Variants in ADCY7 observed in about 807,000 individuals in gnomAD.
The protein encoded by ADCY7 is adenylate cyclase 7.
ADCY7 carries 72 observed loss-of-function variants against 120.6 expected under a neutral mutation model. The observed-to-expected ratio is 0.60, with a 90% CI of 0.49 to 0.73. ADCY7 has a LOEUF of 0.73. Among genes scored for constraint, ADCY7 ranks in the 30% least tolerant of loss-of-function variants. ADCY7 has a pLI of 0.00. For synonymous variants in ADCY7, 661 were observed against 628.0 expected, an observed-to-expected ratio of 1.05 and a Z score of -0.78; for missense variants, 1,227 against 1,486.0, an observed-to-expected ratio of 0.83 and a Z score of 2.87.
At chr16:50,306,338 C>T (rs2036065917) in intron 14 of ADCY7, among the ~76,000 whole-genome samples, 1 of 152,174 alleles carries the variant, frequency 6.6e-6, no homozygotes, top group Non-Finnish European at 1.5e-5. Flanking sequence ...CCCAGGGGTG[C>T]TGCTATACCA....
rs2036475968 is a variant in ADCY7, at chr16:50,311,720, C to T, written c.2382C>T (p.Asp794=). The T allele has an allele frequency of 1.2e-6, 2 of 1,612,844 alleles. No homozygotes were observed. The highest frequency in any genetic ancestry group is 1.3e-5 in the African/African-American group (1 of 74,672). Residue 794 remains aspartate (D), a synonymous_variant, in exon 20 of 26, where the codon GAC becomes GAT. Coordinates refer to ENST00000673801, the MANE Select transcript of ADCY7 (RefSeq NM_001114.5). ...GCACCCCTAGCTGTTCCTGGAAGGA[C>T]CTGAAGACCATGACCAATTTCTACC... ...TSGTPSCSWK[D]LKTMTNFYLV... is the part of the protein sequence containing the mutation.
intron 1 of ADCY7, among the ~76,000 whole-genome samples, chr16:50,268,914 G>A (rs1482390820): frequency 6.6e-6 from 1 of 152,152 alleles, no homozygotes; most frequent in Non-Finnish European, 1.5e-5. Context: ...GCGTGTGCCT[G>A]TAGTCCCAGC....
At chr16:50,246,965 TAGAG>T (rs1203246787) in intron 1 of ADCY7, among the ~76,000 whole-genome samples, 1 of 152,074 alleles carries the variant, frequency 6.6e-6, no homozygotes, top group Non-Finnish European at 1.5e-5. Flanking sequence ...TGGACAGAAG[TAGAG>T]CCCTTAAAAT....
chr16:50,279,620 G>C (rs1326533702), intron 1 of ADCY7: 1 of 152,192 alleles, frequency 6.6e-6, no homozygotes, highest in African/African-American at 2.4e-5. Flanking sequence ...CTGCCTTCTG[G>C]GAGCTCATTT....
intron 1 of ADCY7, among the ~76,000 whole-genome samples, chr16:50,270,872 G>A (rs1399320545): frequency 6.6e-6 from 1 of 152,204 alleles, no homozygotes; most frequent in African/African-American, 2.4e-5. Flanking sequence ...CACAGTGGCT[G>A]GAGCCCCTCC....
At chr16:50,261,816 C>T (rs906753644), upstream of ADCY7, among the ~76,000 whole-genome samples, 3 of 152,210 alleles carry the variant, frequency 2.0e-5, no homozygotes, top group Non-Finnish European at 2.9e-5. Flanking sequence ...GGACGATAGG[C>T]GAGGTTGGCG....
chr16:50,272,368 A>G (rs907706158), intron 1 of ADCY7, among the ~76,000 whole-genome samples: 6 of 152,096 alleles, frequency 3.9e-5, no homozygotes, highest in African/African-American at 1.2e-4. Context: ...GTAACTGGCC[A>G]GCTTTCCTCA....
intron 12 of ADCY7, among the ~76,000 whole-genome samples, chr16:50,305,291 CCCTCTG>C (rs910571446): frequency 6.6e-6 from 1 of 152,194 alleles, no homozygotes; most frequent in Non-Finnish European, 1.5e-5. Context: ...CTCGGGTCTG[CCCTCTG>C]CCTCTGGCTT....
At chr16:50,295,608 A>G (rs927558005) in intron 7 of ADCY7, among the ~76,000 whole-genome samples, 1 of 152,070 alleles carries the variant, frequency 6.6e-6, no homozygotes, top group Admixed American at 6.5e-5. Context: ...CCGTGTGTCC[A>G]TGGGGTGAAC....
intron 1 of ADCY7, among the ~76,000 whole-genome samples, chr16:50,275,580 C>T (rs2033836898): frequency 6.6e-6 from 1 of 152,192 alleles, no homozygotes; most frequent in Non-Finnish European, 1.5e-5. Flanking sequence ...TTGTCAGAGC[C>T]TTTAATTTGC....
chr16:50,261,261 T>C (rs1330133657), intron 1 of ADCY7, among the ~76,000 whole-genome samples: 1 of 152,104 alleles, frequency 6.6e-6, no homozygotes, highest in Non-Finnish European at 1.5e-5. Context: ...GAGGAGGTGA[T>C]GGTGGGGCAC....
At chr16:50,274,768 C>T (rs2033780409) in intron 1 of ADCY7, among the ~76,000 whole-genome samples, 1 of 152,146 alleles carries the variant, frequency 6.6e-6, no homozygotes, top group African/African-American at 2.4e-5. Context: ...GGAGAGGCCT[C>T]TCCCACTGAC....
intron 1 of ADCY7, among the ~76,000 whole-genome samples, chr16:50,246,443 G>A (rs1567523303): frequency 2.0e-5 from 3 of 152,182 alleles, no homozygotes; most frequent in Non-Finnish European, 2.9e-5. Flanking sequence ...GGCACGGCCA[G>A]GAGACGCTTC....
Position 50,290,624 on chromosome 16 carries a change from C to T in ADCY7, c.339C>T (p.Phe113=), listed in dbSNP as rs149726515. The change falls in exon 3 of 26, where the codon TTC becomes TTT. Residue 113 remains phenylalanine (F), a synonymous_variant. Coordinates refer to ENST00000673801, the MANE Select transcript of ADCY7 (RefSeq NM_001114.5). The part of the protein sequence containing the change: ...CLVALGYVLV[F]DAWTKAACAW... ...TGGCGCTGGGCTATGTGCTGGTGTT[C>T]GACGCATGGACAAAGGCGGCCTGTG... is the stretch of plus-strand genomic sequence containing the variant. 2.0e-4 allele frequency: 322 copies of T among 1,614,050 alleles called. No homozygotes were observed. The highest frequency in any genetic ancestry group is 3.2e-4 in the South Asian group (29 of 91,066).
intron 7 of ADCY7, among the ~76,000 whole-genome samples, chr16:50,296,452 C>T (rs1320676571): frequency 5.3e-5 from 8 of 151,486 alleles, no homozygotes; most frequent in East Asian, 3.9e-4. Context: ...CTCCGCCTCC[C>T]GGGTTCACAC....
At position 50,271,492 on chromosome 16, in the gene ADCY7, T is replaced by A. The variant is rs548820202; in HGVS notation, c.-269+4812T>A. Among the ~76,000 whole-genome samples, 21 of 152,244 alleles carry A rather than the reference T, an allele frequency of 1.4e-4. No individual in the cohort carries two copies. In the South Asian group the frequency reaches 4.3e-3, roughly 32 times the overall value. ...CCGAGATGAACCTGAGCAGACTCTG[T>A]GTTAGGATGGGGTGGGGACGGCTGA... On this transcript the variant is annotated intron_variant, in intron 1 of 25. Transcript: ENST00000673801.
intron 4 of ADCY7, 90 bp downstream of exon 4, chr16:50,291,987 A>G (rs1034343381): frequency 7.1e-7 from 1 of 1,399,792 alleles, no homozygotes; most frequent in Admixed American, 2.5e-5. Context: ...ATCAGACCCG[A>G]AGGCCCCGGA....
rs1356344772 is a variant in ADCY7 at position 50,307,086 on chromosome 16, T to G, written c.1789T>G (p.Phe597Val). The G allele has an allele frequency of 2.2e-5, 35 of 1,611,522 alleles. No individual in the cohort carries two copies. The highest frequency in any genetic ancestry group is 2.8e-5 in the Non-Finnish European group (33 of 1,179,972). ...LAPIPRARHD[F>V]ACASLIFVCI... ...ACCCATCCCCCGGGCCCGCCACGAC[T>G]TTGCCTGCGCCAGCCTGATCTTCGT... The change falls in exon 15 of 26, where the codon TTT becomes GTT. Residue 597 changes from phenylalanine (F) to valine (V), a missense_variant. Around this residue, in one of 5 missense-constraint regions of ADCY7, gnomAD observed 332 missense variants for 455.8 expected, o/e 0.73. Coordinates refer to ENST00000673801, the MANE Select transcript of ADCY7 (RefSeq NM_001114.5).
intron 1 of ADCY7, among the ~76,000 whole-genome samples, chr16:50,267,840 A>T (rs1455497852): frequency 6.6e-6 from 1 of 152,246 alleles, no homozygotes; most frequent in Non-Finnish European, 1.5e-5. Flanking sequence ...GCCAAGTGCC[A>T]GCCCTGCAGG....
Sources: gnomAD v4.1 joint callset for allele counts (sites outside exome capture counted in the v4.1 genomes callset) on GRCh38, gnomAD v4.1.1 for gene constraint, gnomAD v4.1.1 regional missense constraint, MANE v1.5 for transcripts, NCBI Gene and HGNC (gene_info 2026-07-23, HGNC 2026-07-21) for gene names.